IMMP2L: variants seen among roughly 807,000 people sequenced by gnomAD.
The protein encoded by IMMP2L is mitochondrial inner membrane protease subunit 2.
A neutral mutation model predicts 19.3 loss-of-function variants in IMMP2L; 18 were observed. The observed-to-expected ratio is 0.93, with a 90% CI of 0.64 to 1.38. The LOEUF (loss-of-function observed/expected upper bound fraction) is 1.38. Ranked by LOEUF, IMMP2L falls within the 40% of genes most tolerant of loss-of-function variation. The probability of loss-of-function intolerance (pLI) is 0.00; values close to 1 mark genes in which losing one functional copy is unlikely to be tolerated. For missense variants in IMMP2L, 233 were observed against 218.2 expected, an observed-to-expected ratio of 1.07 and a Z score of -0.43; for synonymous variants, 76 against 73.0, an observed-to-expected ratio of 1.04 and a Z score of -0.21.
At chr7:110,805,801 T>C (rs898839362) in intron 5 of IMMP2L, among the ~76,000 whole-genome samples, 4 of 152,064 alleles carry the variant, frequency 2.6e-5, no homozygotes, top group Admixed American at 6.6e-5. Flanking sequence ...GCTTTTACTT[T>C]GCATAATTGT....
chr7:111,489,946 C>A (rs1439079357), intron 2 of IMMP2L, among the ~76,000 whole-genome samples: 1 of 151,862 alleles, frequency 6.6e-6, no homozygotes, highest in African/African-American at 2.4e-5. Flanking sequence ...TACAGGTGTG[C>A]GCCACTATGC....
intron 3 of IMMP2L, among the ~76,000 whole-genome samples, chr7:111,443,010 C>T (rs940108895): frequency 3.3e-5 from 5 of 151,864 alleles, no homozygotes; most frequent in African/African-American, 9.7e-5. Flanking sequence ...GTTTCACCTT[C>T]GCTTCAGACA....
intron 3 of IMMP2L, among the ~76,000 whole-genome samples, chr7:111,478,319 A>T (rs865787361): frequency 6.6e-6 from 1 of 152,036 alleles, no homozygotes; most frequent in African/African-American, 2.4e-5. Context: ...AATTTCTTTA[A>T]ATTATTTTTA....
chr7:111,130,782 T>C (rs974360241), intron 3 of IMMP2L, among the ~76,000 whole-genome samples: 3 of 152,056 alleles, frequency 2.0e-5, no homozygotes, highest in Non-Finnish European at 4.4e-5. Context: ...AAGAATACGA[T>C]ATAAAATTGA....
chr7:111,538,143 G>A (rs773107352), intron 1 of IMMP2L, among the ~76,000 whole-genome samples: 2 of 152,182 alleles, frequency 1.3e-5, no homozygotes, highest in African/African-American at 2.4e-5. Flanking sequence ...CCCCTAATCA[G>A]TTGTGAGTTC....
intron 5 of IMMP2L, among the ~76,000 whole-genome samples, chr7:110,884,781 T>C (rs1016404884): frequency 9.2e-5 from 14 of 152,038 alleles, no homozygotes; most frequent in African/African-American, 3.1e-4. Context: ...CTTACAAAAA[T>C]TAGATTATAT....
intron 5 of IMMP2L, among the ~76,000 whole-genome samples, chr7:110,866,055 T>A (rs1314607882): frequency 2.0e-5 from 3 of 152,056 alleles, no homozygotes; most frequent in Non-Finnish European, 2.9e-5. Context: ...CAGATTTCTA[T>A]GACCTTTGAG....
At chr7:111,485,742 G>C (rs1842603994) in intron 3 of IMMP2L, among the ~76,000 whole-genome samples, 1 of 150,956 alleles carries the variant, frequency 6.6e-6, no homozygotes, top group Non-Finnish European at 1.5e-5. Context: ...TAAAATAGTA[G>C]TGTGCTCTTT....
rs568987719 is a variant in IMMP2L, at chr7:111,112,257, C to A, written c.240-148692G>T. Among the ~76,000 whole-genome samples, 101 of 152,208 alleles carry A rather than the reference C, an allele frequency of 6.6e-4. 1 individual carries two copies. The highest frequency in any genetic ancestry group is 1.3e-3 in the Non-Finnish European group (86 of 67,992). On this transcript the variant is annotated intron_variant, in intron 3 of 5. Coordinates refer to ENST00000405709, the MANE Select transcript of IMMP2L (RefSeq NM_032549.4). ...GGGATTACAGGCATGAGCCACCACT[C>A]CTGGCCCTGAAAATGAAAAACTTTA...
At chr7:111,521,922 A>C (rs1026866420) in intron 1 of IMMP2L, among the ~76,000 whole-genome samples, 1 of 152,032 alleles carries the variant, frequency 6.6e-6, no homozygotes, top group Non-Finnish European at 1.5e-5. Flanking sequence ...AGTAGAAAGG[A>C]TATAATTCTT....
chr7:111,257,051 T>C (rs796996425), intron 3 of IMMP2L, among the ~76,000 whole-genome samples: 4 of 152,182 alleles, frequency 2.6e-5, no homozygotes, highest in African/African-American at 9.6e-5. Flanking sequence ...CAAGTTTTTC[T>C]CTTTCACATT....
intron 3 of IMMP2L, among the ~76,000 whole-genome samples, chr7:111,041,748 T>C (rs2129571018): frequency 6.6e-6 from 1 of 152,264 alleles, no homozygotes; most frequent in Non-Finnish European, 1.5e-5. Context: ...AGCCCAGGGC[T>C]TTCCTTTGAA....
intron 3 of IMMP2L, among the ~76,000 whole-genome samples, chr7:111,073,833 C>T (rs1047191546): frequency 8.5e-5 from 13 of 152,156 alleles, no homozygotes; most frequent in African/African-American, 3.1e-4. Flanking sequence ...GGTCTGTACA[C>T]TAATGTTCTT....
chr7:111,442,248 T>TA lies in IMMP2L; in HGVS notation c.239+44989dup, dbSNP rs1450028145. ...TAGGGATTCCTTTTTGGGAGCCACT[T>TA]ACCATGCTCCACAAATCAATCTCAC... On this transcript the variant is annotated intron_variant, in intron 3 of 5. Transcript: ENST00000405709. Among the ~76,000 whole-genome samples, 3 of 151,986 alleles carry TA rather than the reference T, an allele frequency of 2.0e-5. No homozygotes were observed. In the East Asian group the frequency reaches 5.8e-4, roughly 29 times the overall value.
chr7:111,165,031 T>C (rs1378878545), intron 3 of IMMP2L, among the ~76,000 whole-genome samples: 4 of 152,062 alleles, frequency 2.6e-5, no homozygotes, highest in African/African-American at 9.7e-5. Flanking sequence ...TTTTTCATCA[T>C]ATAAAACAGA....
At chr7:110,735,681 TACACACACACACAC>T (rs3051068) in intron 5 of IMMP2L, among the ~76,000 whole-genome samples, 20 of 114,800 alleles carry the variant, frequency 1.7e-4, no homozygotes, top group Admixed American at 3.8e-4. Flanking sequence ...AGTAGACAAA[TACACACACACACAC>T]ACACACACAC....
chr7:110,696,051 G>A (rs1027894689), intron 5 of IMMP2L, among the ~76,000 whole-genome samples: 2 of 152,174 alleles, frequency 1.3e-5, no homozygotes, highest in South Asian at 2.1e-4. Flanking sequence ...AACAGTAAAA[G>A]CTCCATAAAC....
chr7:111,053,257 CCCTT>C lies in IMMP2L; in HGVS notation c.240-89696_240-89693del, dbSNP rs572753626. Among the ~76,000 whole-genome samples, 28 of 152,258 alleles carry C rather than the reference CCCTT, an allele frequency of 1.8e-4. No homozygotes were observed. The South Asian group carries it at 3.3e-3, about 18-fold the overall frequency. On this transcript the variant is annotated intron_variant, in intron 3 of 5. Coordinates refer to ENST00000405709, the MANE Select transcript of IMMP2L (RefSeq NM_032549.4). ...TTGGCATGCTTCCAGGGTGTTGCAT[CCCTT>C]CCCTCCTGATTCTTCCCTTGGGGTG...
At chr7:111,135,122 T>C (rs1448221036) in intron 3 of IMMP2L, among the ~76,000 whole-genome samples, 1 of 152,062 alleles carries the variant, frequency 6.6e-6, no homozygotes, top group Admixed American at 6.6e-5. Flanking sequence ...GTCATCTCAT[T>C]CTGGAAAAAA....
Sources: gnomAD v4.1 joint callset for allele counts (sites outside exome capture counted in the v4.1 genomes callset) on GRCh38, gnomAD v4.1.1 for gene constraint, MANE v1.5 for transcripts, NCBI Gene and HGNC (gene_info 2026-07-23, HGNC 2026-07-21) for gene names.